Variants in CFLAR observed in about 807,000 individuals in gnomAD.
The protein encoded by CFLAR is CASP8 and FADD like apoptosis regulator, also known as CASP8 and FADD-like apoptosis regulator.
In CFLAR, 14 loss-of-function variants were observed where a neutral mutation model predicts 51.1. That is an observed-to-expected ratio of 0.27 (90% CI 0.18 to 0.43). The LOEUF is 0.43. CFLAR is among the 20% of genes least tolerant of loss of function. CFLAR has a pLI of 1.00. For synonymous variants in CFLAR, 210 were observed against 211.6 expected, an observed-to-expected ratio of 0.99 and a Z score of 0.06; for missense variants, 390 against 566.5, an observed-to-expected ratio of 0.69 and a Z score of 3.16.
chr2:201,133,277 A>T, intron 3 of CFLAR, 143 bp downstream of exon 3: 1 of 604,096 alleles, frequency 1.7e-6, no homozygotes. Context: ...AAACAACATG[A>T]ATGGGAAGAG....
chr2:201,137,499 G>T (rs1033833080), intron 4 of CFLAR: 12 of 603,532 alleles, frequency 2.0e-5, no homozygotes, highest in African/African-American at 1.5e-4. Flanking sequence ...CCACCATCTC[G>T]CCCTGCACCG....
In CFLAR at chr2:201,171,481, C is replaced by G. The variant is rs1576031393; in HGVS notation, c.*7508C>G. On this transcript the variant is annotated 3_prime_UTR_variant, in exon 10 of 10. Coordinates refer to ENST00000309955, the MANE Select transcript of CFLAR (RefSeq NM_003879.7). Reference sequence around the variant, plus strand: ...CACACGGACACAGGGATGAGATCAACACACACTGGGGCCTGATGCAGGGGC... The same window carrying G: ...CACACGGACACAGGGATGAGATCAAGACACACTGGGGCCTGATGCAGGGGC... The G allele has an allele frequency of 6.6e-6, 1 of 152,142 alleles. No homozygotes were observed. The highest frequency in any genetic ancestry group is 1.9e-4 in the East Asian group (1 of 5,174). 9.4% of individuals were successfully genotyped at this position (152,142 alleles called of 1,614,324 possible). A position where few individuals can be genotyped will look rare whatever the true frequency, so the allele number is the denominator to read the frequency against.
Position 201,145,361 on chromosome 2 carries a change from A to T in CFLAR, c.607-17A>T. ...AATAACTAACAGGAAGTATGACCTT[A>T]TTCTTTGTATTTGAAGCTCCATAAT... On this transcript the variant is annotated splice_polypyrimidine_tract_variant and intron_variant, in intron 5 of 9. Transcript: ENST00000309955. The T allele has an allele frequency of 6.5e-7, 1 of 1,537,898 alleles. No individual in the cohort carries two copies. Among genetic ancestry groups the T allele is most frequent in the East Asian group, 2.2e-5 (1 of 44,526 alleles).
intron 2 of CFLAR, among the ~76,000 whole-genome samples, chr2:201,131,427 G>A (rs2049311315): frequency 6.6e-6 from 1 of 152,084 alleles, no homozygotes; most frequent in Admixed American, 6.5e-5. Flanking sequence ...CTAGAAACAG[G>A]GTTTTGCCAT....
chr2:201,143,595 C>T (rs1168959132), intron 5 of CFLAR: 1 of 152,166 alleles, frequency 6.6e-6, no homozygotes, highest in African/African-American at 2.4e-5. Flanking sequence ...GAAGTTAATT[C>T]ATATGAGGCT....
At position 201,165,153 on chromosome 2, in the gene CFLAR, T is replaced by A. The variant is rs1943414141; in HGVS notation, c.*1180T>A. 1 of 152,082 alleles carries A rather than the reference T, an allele frequency of 6.6e-6. No individual in the cohort carries two copies. Among genetic ancestry groups the A allele is most frequent in the Non-Finnish European group, 1.5e-5 (1 of 68,020 alleles). The allele number at this position is 152,082 out of a possible 1,614,324, so 9.4% of individuals were successfully genotyped here. A position where few individuals can be genotyped will look rare whatever the true frequency, so the allele number is the denominator to read the frequency against. On this transcript the variant is annotated 3_prime_UTR_variant, in exon 10 of 10. Coordinates refer to ENST00000309955, the MANE Select transcript of CFLAR (RefSeq NM_003879.7). ...TTGTTCATTCACCTAGACCTCAAAT[T>A]GCATTTTACAGCTAGTCAAGTATAT...
In CFLAR at chr2:201,116,326, G is replaced by A. The variant is rs1228010227; in HGVS notation, c.-293G>A. On this transcript the variant is annotated 5_prime_UTR_variant, in exon 1 of 10. In the 5' UTR this introduces an upstream ATG that the reference lacks. Coordinates refer to ENST00000309955, the MANE Select transcript of CFLAR (RefSeq NM_003879.7). This position sits in a 1 kb window ranked among gnomAD's most constrained non-coding sequence, Gnocchi z 4.8. ...GAGACAACAAGGACCACGGGAGGAGGTGTAGGAGAGAAGCGCCGCGAACAG... is the reference window on the plus strand; with the variant it reads ...GAGACAACAAGGACCACGGGAGGAGATGTAGGAGAGAAGCGCCGCGAACAG... 2 of 152,330 alleles carry A rather than the reference G, an allele frequency of 1.3e-5. No homozygotes were observed. The highest frequency in any genetic ancestry group is 3.9e-4 in the East Asian group (2 of 5,194). The allele number at this position is 152,330 out of a possible 1,614,324, so 9.4% of individuals were successfully genotyped here. A position where few individuals can be genotyped will look rare whatever the true frequency, so the allele number is the denominator to read the frequency against.
chr2:201,121,114 C>A (rs1402185978), intron 1 of CFLAR, among the ~76,000 whole-genome samples: 2 of 152,148 alleles, frequency 1.3e-5, no homozygotes, highest in Admixed American at 6.6e-5. Flanking sequence ...GCTATTGAAA[C>A]CCCATAGTTC....
At chr2:201,133,587 G>A (rs2049613597) in intron 3 of CFLAR, among the ~76,000 whole-genome samples, 1 of 152,034 alleles carries the variant, frequency 6.6e-6, no homozygotes, top group Admixed American at 6.6e-5. Context: ...GTGGGGGGAG[G>A]TTCTTGTGAC....
chr2:201,125,291 A>G (rs2048572129), intron 1 of CFLAR, among the ~76,000 whole-genome samples: 2 of 152,100 alleles, frequency 1.3e-5, no homozygotes, highest in African/African-American at 4.8e-5. Flanking sequence ...TTGTGGTTGA[A>G]GAAACTGAAG....
At position 201,138,257 on chromosome 2, in the gene CFLAR, T is replaced by G; in HGVS notation, c.524-2100T>G. ...TTGGGACGAGTCCAAGCCTATGACA[T>G]TGACGCCTACCTGGGTGAGCAGGTC... On this transcript the variant is annotated intron_variant, in intron 4 of 9. Transcript: ENST00000309955. This position sits in a 1 kb window ranked among gnomAD's most constrained non-coding sequence, Gnocchi z 4.0. 1 of 834,016 alleles carries G rather than the reference T, an allele frequency of 1.2e-6. No individual in the cohort carries two copies. The highest frequency in any genetic ancestry group is 2.1e-6 in the Non-Finnish European group (1 of 472,704). 51.7% of individuals were successfully genotyped at this position (834,016 alleles called of 1,614,324 possible).
intron 3 of CFLAR, among the ~76,000 whole-genome samples, 170 bp from the exon 4 acceptor site, chr2:201,135,802 T>G (rs905024221): frequency 1.3e-5 from 2 of 152,122 alleles, no homozygotes; most frequent in African/African-American, 2.4e-5. Flanking sequence ...TTTTTTTTAT[T>G]TTTTGTAGAG....
chr2:201,160,289 A>G, intron 8 of CFLAR, 143 bp from the exon 9 acceptor site: 1 of 867,782 alleles, frequency 1.2e-6, no homozygotes, highest in South Asian at 1.7e-5. Context: ...CCAACTGCCC[A>G]GGACTCAGGC....
At position 201,138,990 on chromosome 2, in the gene CFLAR, G is replaced by A; in HGVS notation, c.524-1367G>A. The A allele has an allele frequency of 1.9e-6, 1 of 539,098 alleles. No homozygotes were observed. Among genetic ancestry groups the A allele is most frequent in the Non-Finnish European group, 3.6e-6 (1 of 277,422 alleles). 33.4% of individuals were successfully genotyped at this position (539,098 alleles called of 1,614,324 possible). A position where few individuals can be genotyped will look rare whatever the true frequency, so the allele number is the denominator to read the frequency against. On this transcript the variant is annotated intron_variant, in intron 4 of 9. Transcript: ENST00000309955. This position sits in a 1 kb window ranked among gnomAD's most constrained non-coding sequence, Gnocchi z 4.0. ...GTGAGTCCCTGGTCACTGGCGAAGA[G>A]CTGCTGCACGGTGTGGGGAAAAGAA...
intron 9 of CFLAR, chr2:201,162,783 AGTTT>A (rs1943190721): frequency 4.5e-6 from 2 of 448,086 alleles, no homozygotes; most frequent in Admixed American, 3.7e-5. Context: ...ACCTGCTTTT[AGTTT>A]GTTTAACAGT....
chr2:201,157,333 G>A (rs947210592), intron 8 of CFLAR, among the ~76,000 whole-genome samples: 18 of 152,116 alleles, frequency 1.2e-4, no homozygotes. Flanking sequence ...TAGAGATGGG[G>A]TTTCGCCATG....
At chr2:201,141,471 A>T (rs1315485912) in intron 5 of CFLAR, 1 of 1,540,176 alleles carries the variant, frequency 6.5e-7, no homozygotes, top group Non-Finnish European at 8.7e-7. Flanking sequence ...ATTCTGAATG[A>T]TTAAATCGTT....
intron 1 of CFLAR, among the ~76,000 whole-genome samples, chr2:201,120,193 T>C (rs2048061512): frequency 6.6e-6 from 1 of 151,296 alleles, no homozygotes; most frequent in South Asian, 2.1e-4. Flanking sequence ...GCTACATTTT[T>C]TTTTTTTTTT....
chr2:201,145,832 A>T (rs1175007125), intron 6 of CFLAR: 1 of 167,400 alleles, frequency 6.0e-6, no homozygotes, highest in South Asian at 1.5e-4. Context: ...ATAAATCTGG[A>T]TACTCTACAG....
Sources: allele counts gnomAD v4.1 joint callset (sites outside exome capture counted in the v4.1 genomes callset), GRCh38; gene constraint gnomAD v4.1.1; non-coding constraint Gnocchi (gnomAD v3.1); transcripts MANE v1.5; gene names NCBI Gene and HGNC (gene_info 2026-07-23, HGNC 2026-07-21).